WWOX: variants seen among roughly 807,000 people sequenced by gnomAD.
WWOX encodes WW domain-containing oxidoreductase.
WWOX carries 69 observed loss-of-function variants against 46.2 expected under a neutral mutation model. The ratio of observed to expected loss-of-function variants is 1.49; its 90% CI spans 1.23 to 1.82. The LOEUF (loss-of-function observed/expected upper bound fraction) is 1.82. WWOX is among the 40% of genes most tolerant of loss of function. WWOX has a pLI of 0.00. For synonymous variants in WWOX, 359 were observed against 202.6 expected, an observed-to-expected ratio of 1.77 and a Z score of -6.56; for missense variants, 919 against 542.6, an observed-to-expected ratio of 1.69 and a Z score of -6.89.
chr16:79,135,587 A>G (rs2049967597), intron 8 of WWOX, among the ~76,000 whole-genome samples: 1 of 152,204 alleles, frequency 6.6e-6, no homozygotes, highest in African/African-American at 2.4e-5. Flanking sequence ...GGTAGAGTAT[A>G]TTCCTAGAAA....
At chr16:78,741,579 G>C (rs1435620024) in intron 8 of WWOX, among the ~76,000 whole-genome samples, 2 of 151,450 alleles carry the variant, frequency 1.3e-5, no homozygotes. Flanking sequence ...ATCTGGCTGG[G>C]CACAGTGGCT....
chr16:79,127,381 C>T (rs1457017692), intron 8 of WWOX, among the ~76,000 whole-genome samples: 1 of 152,034 alleles, frequency 6.6e-6, no homozygotes, highest in African/African-American at 2.4e-5. Context: ...CTATACACAC[C>T]TTGCTCTTTT....
intron 5 of WWOX, among the ~76,000 whole-genome samples, chr16:78,235,869 C>A (rs2037420963): frequency 6.6e-6 from 1 of 152,186 alleles, no homozygotes; most frequent in South Asian, 2.1e-4. Flanking sequence ...GCTGGTTTCC[C>A]CCAGCAGAGG....
chr16:78,619,076 A>G (rs1263452044), intron 8 of WWOX, among the ~76,000 whole-genome samples: 8 of 137,564 alleles, frequency 5.8e-5, no homozygotes, highest in African/African-American at 2.2e-4. Flanking sequence ...TGGGAGGATC[A>G]CTGGAGGTCG....
At chr16:78,449,519 G>C (rs2083641048) in intron 8 of WWOX, among the ~76,000 whole-genome samples, 1 of 152,128 alleles carries the variant, frequency 6.6e-6, no homozygotes, top group South Asian at 2.1e-4. Flanking sequence ...CACAGGACTT[G>C]ATGATTTTTC....
In WWOX at chr16:78,961,685, T is replaced by G. The variant is rs188999549; in HGVS notation, c.1057-249923T>G. Reference sequence around the variant, plus strand: ...TGCAAGAGAATCCCCAAGGTGAGCTTGTTAAAATAAGCATATTCTGGGTAT... The same window carrying G: ...TGCAAGAGAATCCCCAAGGTGAGCTGGTTAAAATAAGCATATTCTGGGTAT... On this transcript the variant is annotated intron_variant, in intron 8 of 8. Coordinates refer to ENST00000566780, the MANE Select transcript of WWOX (RefSeq NM_016373.4). Among the ~76,000 whole-genome samples the G allele has an allele frequency of 2.0e-4, 30 of 152,252 alleles. No homozygotes were observed. The East Asian group carries it at 5.6e-3, about 28-fold the overall frequency.
At chr16:79,013,206 G>A (rs886288029) in intron 8 of WWOX, among the ~76,000 whole-genome samples, 5 of 152,188 alleles carry the variant, frequency 3.3e-5, no homozygotes, top group African/African-American at 9.6e-5. Context: ...AGCTCACTGT[G>A]CAGGAAGAGG....
intron 8 of WWOX, among the ~76,000 whole-genome samples, chr16:78,708,516 G>T (rs2048373009): frequency 6.6e-6 from 1 of 152,172 alleles, no homozygotes; most frequent in African/African-American, 2.4e-5. Context: ...ACCATCTGCT[G>T]AAAGCTTTGC....
intron 8 of WWOX, among the ~76,000 whole-genome samples, chr16:78,729,408 C>T (rs758143233): frequency 2.6e-5 from 4 of 151,552 alleles, no homozygotes; most frequent in Non-Finnish European, 5.9e-5. Flanking sequence ...ATTCCTGTAA[C>T]ACGTGGATAT....
intron 8 of WWOX, among the ~76,000 whole-genome samples, chr16:79,042,607 C>G (rs1389916972): frequency 1.3e-5 from 2 of 152,134 alleles, no homozygotes; most frequent in Non-Finnish European, 2.9e-5. Context: ...AGCAAATTAA[C>G]TATACATGCA....
chr16:79,159,950 A>G (rs910342464), intron 8 of WWOX, among the ~76,000 whole-genome samples: 4 of 152,074 alleles, frequency 2.6e-5, no homozygotes, highest in African/African-American at 9.7e-5. Flanking sequence ...CCCCAGGTGA[A>G]AGCACCGGGA....
intron 8 of WWOX, among the ~76,000 whole-genome samples, chr16:78,693,299 A>G (rs1423920967): frequency 2.0e-5 from 3 of 152,202 alleles, no homozygotes; most frequent in East Asian, 3.9e-4. Flanking sequence ...TCCCGTCCCC[A>G]CCACTACCCA....
chr16:78,886,136 G>A (rs145518783), intron 8 of WWOX, among the ~76,000 whole-genome samples: 70 of 151,750 alleles, frequency 4.6e-4, no homozygotes, highest in African/African-American at 1.5e-3. Flanking sequence ...TGTTGGCCAG[G>A]CAGGTCTTGA....
At chr16:79,135,855 T>G (rs1041237857) in intron 8 of WWOX, among the ~76,000 whole-genome samples, 9 of 152,238 alleles carry the variant, frequency 5.9e-5, no homozygotes, top group Non-Finnish European at 1.2e-4. Flanking sequence ...CATTCACATT[T>G]CTTCTTTTCT....
At chr16:79,155,332 C>T (rs1008756813) in intron 8 of WWOX, among the ~76,000 whole-genome samples, 2 of 152,034 alleles carry the variant, frequency 1.3e-5, no homozygotes, top group East Asian at 1.9e-4. Context: ...GCTGAGATCA[C>T]GCCATTGCAC....
At chr16:78,655,451 T>C (rs937169246) in intron 8 of WWOX, among the ~76,000 whole-genome samples, 1 of 152,222 alleles carries the variant, frequency 6.6e-6, no homozygotes, top group South Asian at 2.1e-4. Context: ...GATTTAAATA[T>C]ATGAATCTCA....
chr16:78,403,382 C>T (rs897485154), intron 6 of WWOX, among the ~76,000 whole-genome samples: 1 of 152,142 alleles, frequency 6.6e-6, no homozygotes, highest in Non-Finnish European at 1.5e-5. Context: ...AATTAATGTT[C>T]CCTTCCCATG....
chr16:78,321,361 T>C (rs1408728299), intron 5 of WWOX, among the ~76,000 whole-genome samples: 7 of 51,430 alleles, frequency 1.4e-4, no homozygotes, highest in African/African-American at 2.3e-4. Context: ...TATATATGCG[T>C]ATATATATAC....
At chr16:78,435,437 C>T (rs542162686) in intron 8 of WWOX, among the ~76,000 whole-genome samples, 2 of 152,286 alleles carry the variant, frequency 1.3e-5, no homozygotes, top group African/African-American at 4.8e-5. Context: ...TTGGGAGAAA[C>T]AAATGTCCTC....
Sources: allele counts gnomAD v4.1 joint callset (sites outside exome capture counted in the v4.1 genomes callset), GRCh38; gene constraint gnomAD v4.1.1; transcripts MANE v1.5; gene names NCBI Gene and HGNC (gene_info 2026-07-23, HGNC 2026-07-21).